Variants in TRPM1 observed in about 807,000 individuals in gnomAD.
The protein encoded by TRPM1 is transient receptor potential cation channel subfamily M member 1.
Under a neutral mutation model 149.4 loss-of-function variants are expected in TRPM1, and 113 were observed. That is an observed-to-expected ratio of 0.76 (90% CI 0.65 to 0.88). The LOEUF (loss-of-function observed/expected upper bound fraction) is 0.88, where lower values mean the gene tolerates loss of function less well. TRPM1 is among the 40% of genes least tolerant of loss of function. TRPM1 has a pLI of 0.00. For missense variants in TRPM1, 1,976 were observed against 2,038.7 expected (o/e 0.97, Z 0.59); for synonymous variants, 741 against 759.5 (o/e 0.98, Z 0.40).
intron 27 of TRPM1, among the ~76,000 whole-genome samples, chr15:31,007,644 GCAGCGCAGCAACAACAACAA>G (rs60369002): frequency 0.054 from 3,007 of 55,246 alleles, 95 homozygotes; most frequent in African/African-American, 0.16. Context: ...TATAACAACA[GCAGCGCAGCAACAACAACAA>G]CAACAACAAC....
intron 1 of TRPM1, among the ~76,000 whole-genome samples, chr15:31,127,420 G>A (rs2035964890): frequency 6.6e-6 from 1 of 152,196 alleles, no homozygotes; most frequent in Non-Finnish European, 1.5e-5. Context: ...TGAGGAGAAA[G>A]GCTCAGACAG....
intron 1 of TRPM1, among the ~76,000 whole-genome samples, chr15:31,132,958 A>G (rs1445917353): frequency 1.3e-5 from 2 of 152,188 alleles, no homozygotes; most frequent in African/African-American, 4.8e-5. Flanking sequence ...AAGTCCATTA[A>G]ATGTCTTTCT....
At chr15:31,035,853 G>A in intron 20 of TRPM1, 179 bp from the exon 21 acceptor site, 1 of 824,354 alleles carries the variant, frequency 1.2e-6, no homozygotes, top group East Asian at 2.7e-5. Context: ...CTGGAGGCAG[G>A]ACGGGAGGCA....
intron 1 of TRPM1, among the ~76,000 whole-genome samples, chr15:31,128,265 CTG>C (rs1187846761): frequency 6.6e-6 from 1 of 152,208 alleles, no homozygotes. Flanking sequence ...TAGTTAATGA[CTG>C]TGGGGTGAGA....
chr15:31,049,237 G>C (rs1722231756), intron 13 of TRPM1, 138 bp downstream of exon 13: 2 of 1,263,216 alleles, frequency 1.6e-6, no homozygotes, highest in Admixed American at 1.7e-5. Context: ...CAGCAGGTGA[G>C]AAGTAGCCGC....
intron 16 of TRPM1, among the ~76,000 whole-genome samples, chr15:31,045,233 C>G (rs559633694): frequency 6.6e-6 from 1 of 152,196 alleles, no homozygotes; most frequent in Non-Finnish European, 1.5e-5. Context: ...TGCTGTTTAG[C>G]TCATAAATTT....
intron 21 of TRPM1, among the ~76,000 whole-genome samples, chr15:31,034,660 C>A (rs1232441357): frequency 1.3e-5 from 2 of 152,228 alleles, no homozygotes; most frequent in South Asian, 2.1e-4. Context: ...ATCTCCTGCA[C>A]AAGAGTCCAG....
rs1019014103 is a variant in TRPM1, at chr15:31,009,120, AT to A, written c.3630-6051del. On this transcript the variant is annotated intron_variant, in intron 27 of 27. Coordinates refer to ENST00000256552, the MANE Select transcript of TRPM1 (RefSeq NM_001252024.2). ...CTGCTAGCAATGAATTCTTTGTCTG[AT>A]TTTTTTTTTCACTTTCATTTTTGAA... 1.9e-4 allele frequency among the ~76,000 whole-genome samples: 28 copies of A among 147,314 alleles called. No individual in the cohort carries two copies. The South Asian group carries it at 3.0e-3, about 16-fold the overall frequency.
chr15:31,103,335 G>T (rs28456199), upstream of TRPM1, among the ~76,000 whole-genome samples: 1 of 152,202 alleles, frequency 6.6e-6, no homozygotes, highest in African/African-American at 2.4e-5. Flanking sequence ...CAGGCCACGC[G>T]TGGCTATGGA....
chr15:31,092,012 C>T (rs1209150945), intron 1 of TRPM1, among the ~76,000 whole-genome samples: 1 of 150,532 alleles, frequency 6.6e-6, no homozygotes, highest in East Asian at 1.9e-4. Flanking sequence ...CTCAGCCCTT[C>T]GGAGCTCCCA....
intron 16 of TRPM1, among the ~76,000 whole-genome samples, chr15:31,044,864 A>G (rs1459119581): frequency 6.6e-6 from 1 of 152,040 alleles, no homozygotes; most frequent in Non-Finnish European, 1.5e-5. Context: ...CTAGAATACT[A>G]TGTAAAAGTT....
intron 25 of TRPM1, among the ~76,000 whole-genome samples, 195 bp downstream of exon 25, chr15:31,028,135 TAA>T (rs376855814): frequency 1.1e-4 from 17 of 152,362 alleles, no homozygotes; most frequent in African/African-American, 4.1e-4. Context: ...TAAATGTATT[TAA>T]GTGTCAACTC....
chr15:31,088,322 C>G (rs1007348373), intron 1 of TRPM1, among the ~76,000 whole-genome samples: 3 of 152,216 alleles, frequency 2.0e-5, no homozygotes, highest in African/African-American at 4.8e-5. Context: ...TGGCAATCCG[C>G]TCGGGTCTCC....
intron 1 of TRPM1, among the ~76,000 whole-genome samples, chr15:31,150,787 C>T (rs1036964893): frequency 2.6e-5 from 4 of 152,108 alleles, no homozygotes; most frequent in Non-Finnish European, 5.9e-5. Context: ...TGGGAACTTG[C>T]ACAGGGGAGT....
chr15:31,038,268 C>T, intron 18 of TRPM1, 102 bp from the exon 19 acceptor site: 1 of 1,340,470 alleles, frequency 7.5e-7, no homozygotes, highest in South Asian at 1.3e-5. Context: ...ATTCAATAAC[C>T]TAGGAGCCCT....
chr15:31,095,341 C>G (rs2141007380), intron 1 of TRPM1, among the ~76,000 whole-genome samples: 1 of 152,278 alleles, frequency 6.6e-6, no homozygotes, highest in East Asian at 1.9e-4. Flanking sequence ...CTGAATTGGT[C>G]ACTTGAAAAT....
chr15:31,084,338 T>C (rs1023373467), intron 1 of TRPM1, among the ~76,000 whole-genome samples: 2 of 152,156 alleles, frequency 1.3e-5, no homozygotes, highest in Admixed American at 1.3e-4. Context: ...AAAAAGCCGG[T>C]ACCCATTAGC....
In TRPM1 at chr15:31,038,138, G is replaced by T. The variant is rs1840086065; in HGVS notation, c.2345C>A (p.Thr782Asn). The change falls in exon 19 of 28, where the codon ACC becomes AAC. Residue 782 changes from threonine to asparagine, a missense_variant. Coordinates refer to ENST00000256552, the MANE Select transcript of TRPM1 (RefSeq NM_001252024.2). Reference protein sequence around the residue: ...KVIMGILLPPTILFLEFRTYD... With the variant: ...KVIMGILLPPNILFLEFRTYD... ...TGTGCGAAATTCCAAAAACAAGATG[G>T]TGGGGGGTAGAAGAATCCCCATGAT... 6.2e-7 allele frequency: 1 copy of T among 1,613,996 alleles called. No homozygotes were observed. The highest frequency in any genetic ancestry group is 1.7e-5 in the Admixed American group (1 of 60,006).
chr15:31,142,501 C>T (rs2036174165), intron 1 of TRPM1, among the ~76,000 whole-genome samples: 1 of 152,086 alleles, frequency 6.6e-6, no homozygotes, highest in Admixed American at 6.5e-5. Context: ...TTTATTAGGT[C>T]ATTGATTACT....
Sources: gnomAD v4.1 joint callset for allele counts (sites outside exome capture counted in the v4.1 genomes callset) on GRCh38, gnomAD v4.1.1 for gene constraint, MANE v1.5 for transcripts, NCBI Gene and HGNC (gene_info 2026-07-23, HGNC 2026-07-21) for gene names.